CAPN8: variants seen among roughly 807,000 people sequenced by gnomAD.
CAPN8 encodes calpain 8.
A neutral mutation model predicts 80.9 loss-of-function variants in CAPN8; 87 were observed. The ratio of observed to expected loss-of-function variants is 1.07; its 90% CI spans 0.90 to 1.28. The LOEUF (loss-of-function observed/expected upper bound fraction) is 1.28, where lower values mean the gene tolerates loss of function less well. CAPN8 is among the 50% of genes most tolerant of loss of function. CAPN8 has a pLI of 0.00. For synonymous variants in CAPN8, 299 were observed against 273.8 expected, an observed-to-expected ratio of 1.09 and a Z score of -0.91; for missense variants, 757 against 702.0, an observed-to-expected ratio of 1.08 and a Z score of -0.89.
At position 223,543,003 on chromosome 1, in the gene CAPN8, T is replaced by C. The variant is rs2102684792; in HGVS notation, c.2088+105A>G. Reference sequence around the variant, plus strand: ...CCACAGAACATGCATGGTATTCACATGGAACTAAGACAGCCAACAGGAATA... The same window carrying C: ...CCACAGAACATGCATGGTATTCACACGGAACTAAGACAGCCAACAGGAATA... On this transcript the variant is annotated intron_variant, in intron 20 of 20. Transcript: ENST00000366872. 2.3e-6 allele frequency: 3 copies of C among 1,287,872 alleles called. No homozygotes were observed. The South Asian group carries it at 4.1e-5, about 18-fold the overall frequency. The allele number at this position is 1,287,872 out of a possible 1,614,324, so 79.8% of individuals were successfully genotyped here.
chr1:223,656,776 C>T (rs549632868), intron 1 of CAPN8, among the ~76,000 whole-genome samples: 6 of 149,978 alleles, frequency 4.0e-5, no homozygotes, highest in East Asian at 2.0e-4. Context: ...CTCCGCCTCC[C>T]GGGTTCACGC....
At chr1:223,544,340 G>T (rs1014997090) in intron 18 of CAPN8, 157 bp from the exon 19 acceptor site, 3 of 607,634 alleles carry the variant, frequency 4.9e-6, no homozygotes, top group Non-Finnish European at 8.8e-6. Context: ...ATCCCAGAAG[G>T]TGTCCTGCCA....
At chr1:223,554,153 G>A (rs1399386827) in intron 13 of CAPN8, among the ~76,000 whole-genome samples, 1 of 152,100 alleles carries the variant, frequency 6.6e-6, no homozygotes. Context: ...AAGTGATTTG[G>A]GGAAGTGAGC....
In CAPN8 at chr1:223,545,218, A is replaced by G; in HGVS notation, c.1833+13T>C. 2 of 1,551,688 alleles carry G rather than the reference A, an allele frequency of 1.3e-6. No individual in the cohort carries two copies. Among genetic ancestry groups the G allele is most frequent in the Non-Finnish European group, 1.7e-6 (2 of 1,146,970 alleles). Reference sequence around the variant, plus strand: ...AACAGAGGAGAGGATGCCCAGAAGGAAAAGAGAGTTACCAGATACTTCTGA... The same window carrying G: ...AACAGAGGAGAGGATGCCCAGAAGGGAAAGAGAGTTACCAGATACTTCTGA... On this transcript the variant is annotated intron_variant, in intron 17 of 20. Coordinates refer to ENST00000366872, the MANE Select transcript of CAPN8 (RefSeq NM_001143962.2).
chr1:223,637,366 C>T (rs373861521), intron 2 of CAPN8, among the ~76,000 whole-genome samples: 2 of 152,136 alleles, frequency 1.3e-5, no homozygotes, highest in African/African-American at 2.4e-5. Flanking sequence ...GCCCTGGTAA[C>T]GCCTGGCTCC....
chr1:223,655,128 A>G lies in CAPN8; in HGVS notation c.238-729T>C, dbSNP rs773703312. On this transcript the variant is annotated intron_variant, in intron 1 of 20. Transcript: ENST00000366872. Reference sequence around the variant, plus strand: ...GAAAAATGATCTCACCTATTCAGACAACACCCCTATTTACATAAAGAGATT... The same window carrying G: ...GAAAAATGATCTCACCTATTCAGACGACACCCCTATTTACATAAAGAGATT... Among the ~76,000 whole-genome samples, 8 of 152,188 alleles carry G rather than the reference A, an allele frequency of 5.3e-5. No homozygotes were observed. The South Asian group carries it at 8.3e-4, about 16-fold the overall frequency.
At chr1:223,547,383 A>T (rs1401642348) in intron 16 of CAPN8, among the ~76,000 whole-genome samples, 1 of 152,236 alleles carries the variant, frequency 6.6e-6, no homozygotes, top group Non-Finnish European at 1.5e-5. Context: ...GTATAATTTC[A>T]TTATATGAAA....
At chr1:223,545,402 C>T (rs35808016) in intron 16 of CAPN8, 103 bp from the exon 17 acceptor site, 270,866 of 1,512,142 alleles carry the variant, frequency 0.18, 26,737 homozygotes, top group Non-Finnish European at 0.2. Context: ...CTTAGTGAAC[C>T]TTCCATGTCT....
intron 2 of CAPN8, among the ~76,000 whole-genome samples, chr1:223,647,392 A>G (rs1658218610): frequency 1.3e-5 from 2 of 152,242 alleles, no homozygotes; most frequent in South Asian, 4.1e-4. Flanking sequence ...TACTAAGCAC[A>G]AGAAAAATGC....
At chr1:223,642,035 A>G (rs1360954530) in intron 2 of CAPN8, among the ~76,000 whole-genome samples, 1 of 152,180 alleles carries the variant, frequency 6.6e-6, no homozygotes, top group Non-Finnish European at 1.5e-5. Context: ...GGCACACCTT[A>G]CTAGAACATC....
chr1:223,622,943 C>T, intron 6 of CAPN8, 43 bp from the exon 7 acceptor site: 4 of 1,483,624 alleles, frequency 2.7e-6, no homozygotes, highest in Non-Finnish European at 3.7e-6. Context: ...TTACTATGCT[C>T]CTGTTGCCTT....
intron 13 of CAPN8, among the ~76,000 whole-genome samples, chr1:223,557,427 T>C (rs1039334528): frequency 0.12 from 9,971 of 82,754 alleles, 375 homozygotes; most frequent in South Asian, 0.2. Context: ...CCCATGAAGG[T>C]GGTCCTGCCC....
intron 2 of CAPN8, among the ~76,000 whole-genome samples, chr1:223,644,677 G>T (rs1233625114): frequency 6.6e-6 from 1 of 152,156 alleles, no homozygotes; most frequent in Non-Finnish European, 1.5e-5. Context: ...GAAACGCAAG[G>T]CAGTCTGGGA....
At chr1:223,640,889 G>T (rs1378744099) in intron 2 of CAPN8, among the ~76,000 whole-genome samples, 2 of 152,146 alleles carry the variant, frequency 1.3e-5, no homozygotes, top group Non-Finnish European at 2.9e-5. Flanking sequence ...CAAGGTGGTT[G>T]CAAAGTAACA....
At position 223,545,227 on chromosome 1, in the gene CAPN8, T is replaced by C. The variant is rs370536615; in HGVS notation, c.1833+4A>G. 2.0e-4 allele frequency: 317 copies of C among 1,551,306 alleles called. No individual in the cohort carries two copies. The highest frequency in any genetic ancestry group is 2.5e-4 in the Non-Finnish European group (283 of 1,146,926). On this transcript the variant is annotated splice_donor_region_variant and intron_variant, in intron 17 of 20. Coordinates refer to ENST00000366872, the MANE Select transcript of CAPN8 (RefSeq NM_001143962.2). ...GAGGATGCCCAGAAGGAAAAGAGAG[T>C]TACCAGATACTTCTGAATCTTCAGC...
In CAPN8 at chr1:223,614,998, C is replaced by T. The variant is rs142541800; in HGVS notation, c.1311+972G>A. Among the ~76,000 whole-genome samples the T allele has an allele frequency of 1.5e-3, 227 of 152,336 alleles. 1 individual carries two copies. The highest frequency in any genetic ancestry group is 5.3e-3 in the African/African-American group (220 of 41,572). On this transcript the variant is annotated intron_variant, in intron 10 of 20. Transcript: ENST00000366872. Reference sequence around the variant, plus strand: ...TCAACATAAAATATACTCGCATGCTCGTGCATGTGCACACATGCACATATA... The same window carrying T: ...TCAACATAAAATATACTCGCATGCTTGTGCATGTGCACACATGCACATATA...
At chr1:223,646,442 G>A (rs1424676738) in intron 2 of CAPN8, among the ~76,000 whole-genome samples, 1 of 152,204 alleles carries the variant, frequency 6.6e-6, no homozygotes. Flanking sequence ...CTGCCCTGAA[G>A]GTGACAGAGG....
At position 223,544,799 on chromosome 1, in the gene CAPN8, C is replaced by T. The variant is rs369366288; in HGVS notation, c.1885G>A (p.Glu629Lys). Reference sequence around the variant, plus strand: ...GCCTTCCTGAGGGCTGTCCTCATCTCGTGGGCATCGATGGTGCCCGAGTGG... The same window carrying T: ...GCCTTCCTGAGGGCTGTCCTCATCTTGTGGGCATCGATGGTGCCCGAGTGG... ...YNHSGTIDAH[E>K]MRTALRKAGF... The change falls in exon 18 of 21, where the codon GAG (glutamate) becomes AAG (lysine). Residue 629 changes from glutamate to lysine, a missense_variant. Physicochemically the swap from Glu to Lys is moderately conservative, Grantham distance 56. Transcript: ENST00000366872. 11 of 1,551,576 alleles carry T rather than the reference C, an allele frequency of 7.1e-6. No individual in the cohort carries two copies. The highest frequency in any genetic ancestry group is 2.0e-5 in the Admixed American group (1 of 50,976).
At chr1:223,653,263 C>T (rs1331191794) in intron 2 of CAPN8, among the ~76,000 whole-genome samples, 1 of 151,368 alleles carries the variant, frequency 6.6e-6, no homozygotes, top group Non-Finnish European at 1.5e-5. Context: ...ATCGTTCCCG[C>T]TGCTTGATCG....
Sources: gnomAD v4.1 joint callset for allele counts (sites outside exome capture counted in the v4.1 genomes callset) on GRCh38, gnomAD v4.1.1 for gene constraint, MANE v1.5 for transcripts, NCBI Gene and HGNC (gene_info 2026-07-23, HGNC 2026-07-21) for gene names.